ZNF521: variants seen among roughly 807,000 people sequenced by gnomAD.
ZNF521 encodes the protein zinc finger protein 521, also known as LYST-interacting protein 3.
A neutral mutation model predicts 105.5 loss-of-function variants in ZNF521; 14 were observed. The observed-to-expected ratio is 0.13, with a 90% CI of 0.09 to 0.21. The LOEUF is 0.21. Among genes scored for constraint, ZNF521 ranks in the 10% least tolerant of loss-of-function variants. ZNF521 has a pLI of 1.00. For missense variants in ZNF521, 1,233 were observed against 1,629.7 expected, an observed-to-expected ratio of 0.76 and a Z score of 4.19; for synonymous variants, 635 against 606.0, an observed-to-expected ratio of 1.05 and a Z score of -0.70.
chr18:25,104,587 G>C (rs557079563), intron 5 of ZNF521, among the ~76,000 whole-genome samples: 29 of 152,270 alleles, frequency 1.9e-4, no homozygotes, highest in African/African-American at 6.5e-4. Context: ...TTTGCTTCTG[G>C]AAAGCAGTAG....
At chr18:25,264,398 T>C (rs923446981) in intron 3 of ZNF521, among the ~76,000 whole-genome samples, 1 of 152,238 alleles carries the variant, frequency 6.6e-6, no homozygotes, top group Non-Finnish European at 1.5e-5. Context: ...CAATTTCTTA[T>C]ACAGCACTAT....
At chr18:25,206,571 ATCATT>A (rs2036084383) in intron 4 of ZNF521, among the ~76,000 whole-genome samples, 1 of 151,936 alleles carries the variant, frequency 6.6e-6, no homozygotes, top group Admixed American at 6.6e-5. Context: ...CTTATACTAG[ATCATT>A]TCATTTATCC....
In ZNF521 at chr18:25,224,659, C is replaced by G. The variant is rs1451451088; in HGVS notation, c.3259G>C (p.Gly1087Arg). Residue 1087 changes from glycine to arginine, a missense_variant, in exon 4 of 8, where the codon GGC becomes CGC. By Grantham distance (125) the Gly-to-Arg change is moderately radical. Transcript: ENST00000361524. The part of the protein sequence containing the change: ...KQDLVKLDIN[G>R]LPYGLCAGCV... ...CCGGCACACAGACCATATGGCAGGCCATTGATATCAAGTTTCACCAGATCT... is the reference window on the plus strand; with the variant it reads ...CCGGCACACAGACCATATGGCAGGCGATTGATATCAAGTTTCACCAGATCT... The G allele has an allele frequency of 1.2e-6, 2 of 1,613,964 alleles. No individual in the cohort carries two copies. Among genetic ancestry groups the G allele is most frequent in the South Asian group, 1.1e-5 (1 of 91,074 alleles).
intron 5 of ZNF521, among the ~76,000 whole-genome samples, chr18:25,156,869 TA>T (rs2035154435): frequency 6.6e-6 from 1 of 152,162 alleles, no homozygotes; most frequent in Non-Finnish European, 1.5e-5. Flanking sequence ...AACCAATTTT[TA>T]GTGGACATGA....
intron 3 of ZNF521, among the ~76,000 whole-genome samples, chr18:25,250,061 C>T (rs966346631): frequency 1.2e-4 from 19 of 152,144 alleles, no homozygotes; most frequent in East Asian, 1.9e-4. Flanking sequence ...GCCTCAGCAT[C>T]GGGAGTAGCT....
chr18:25,168,775 A>C (rs1330064449), intron 5 of ZNF521, among the ~76,000 whole-genome samples: 1 of 152,208 alleles, frequency 6.6e-6, no homozygotes, highest in Admixed American at 6.5e-5. Context: ...CTTCCTTGAC[A>C]TATACACCAC....
intron 4 of ZNF521, among the ~76,000 whole-genome samples, chr18:25,203,604 G>A (rs910507500): frequency 6.6e-6 from 1 of 152,114 alleles, no homozygotes; most frequent in African/African-American, 2.4e-5. Context: ...GGGACAGACT[G>A]AGTGAGACCC....
intron 3 of ZNF521, among the ~76,000 whole-genome samples, chr18:25,305,532 G>T (rs1911930266): frequency 6.6e-6 from 1 of 151,740 alleles, no homozygotes; most frequent in African/African-American, 2.4e-5. Flanking sequence ...TGGGAAACTG[G>T]GTCTCTCTTC....
chr18:25,199,374 G>T lies in ZNF521; in HGVS notation c.3574-4130C>A, dbSNP rs146725627. ...TGTGGATCCTGATTTGGGGGGAGGG[G>T]GTGGAAACAGCTATAAGAAGGCTTT... On this transcript the variant is annotated intron_variant, in intron 4 of 7. Transcript: ENST00000361524. Among the ~76,000 whole-genome samples, 1,189 of 151,404 alleles carry T rather than the reference G, an allele frequency of 7.9e-3. 17 individuals carry two copies. Among genetic ancestry groups the T allele is most frequent in the African/African-American group, 0.027 (1,129 of 41,328 alleles).
chr18:25,274,383 C>T lies in ZNF521; in HGVS notation c.221-46686G>A, dbSNP rs146070564. Among the ~76,000 whole-genome samples, 819 of 152,288 alleles carry T rather than the reference C, an allele frequency of 5.4e-3. 8 individuals carry two copies. The highest frequency in any genetic ancestry group is 0.018 in the African/African-American group (758 of 41,552). ...CTTCTGGATCTGATGACCAAATCCT[C>T]CCAGAGTCAGCTGACTATCAGGTAA... On this transcript the variant is annotated intron_variant, in intron 3 of 7. Coordinates refer to ENST00000361524, the MANE Select transcript of ZNF521 (RefSeq NM_015461.3).
intron 5 of ZNF521, among the ~76,000 whole-genome samples, chr18:25,152,798 C>G (rs991569566): frequency 3.9e-5 from 6 of 152,094 alleles, no homozygotes; most frequent in Admixed American, 1.3e-4. Flanking sequence ...CTCTTTTTTT[C>G]TGCTCTTCCG....
intron 5 of ZNF521, among the ~76,000 whole-genome samples, chr18:25,190,605 C>CT (rs1434540403): frequency 6.6e-6 from 1 of 152,148 alleles, no homozygotes; most frequent in African/African-American, 2.4e-5. Context: ...AGAGGTGATA[C>CT]TGAAAGTCGC....
chr18:25,294,236 C>A (rs1911194379), intron 3 of ZNF521, among the ~76,000 whole-genome samples: 1 of 152,102 alleles, frequency 6.6e-6, no homozygotes, highest in African/African-American at 2.4e-5. Flanking sequence ...CTAGATAAGA[C>A]ATGTATACTA....
chr18:25,339,621 T>C (rs532067429), intron 2 of ZNF521, among the ~76,000 whole-genome samples: 4 of 152,350 alleles, frequency 2.6e-5, no homozygotes, highest in African/African-American at 9.6e-5. Context: ...CAGTAAATAT[T>C]TGTTAATTAA....
chr18:25,212,233 C>T (rs961456007), intron 4 of ZNF521, among the ~76,000 whole-genome samples: 4 of 151,594 alleles, frequency 2.6e-5, no homozygotes, highest in African/African-American at 7.3e-5. Flanking sequence ...TTTTAATGGC[C>T]GGGCATGGTG....
At chr18:25,079,745 C>A (rs1490423418) in intron 7 of ZNF521, among the ~76,000 whole-genome samples, 1 of 152,116 alleles carries the variant, frequency 6.6e-6, no homozygotes, top group Non-Finnish European at 1.5e-5. Context: ...GGGCTTCCCA[C>A]CAGTACTGTC....
At position 25,347,958 on chromosome 18, in the gene ZNF521, TA is replaced by T. The variant is rs1914535445; in HGVS notation, c.40+2948del. 2.0e-5 allele frequency among the ~76,000 whole-genome samples: 3 copies of T among 152,360 alleles called. No homozygotes were observed. The South Asian group carries it at 6.2e-4, about 32-fold the overall frequency. ...TCAGTGCAGAACTTCATGTTTTATTTAGAAGGGCCTATTGCATTTTCATGGT... is the reference window on the plus strand; with the variant it reads ...TCAGTGCAGAACTTCATGTTTTATTTGAAGGGCCTATTGCATTTTCATGGT... On this transcript the variant is annotated intron_variant, in intron 2 of 7. Transcript: ENST00000361524.
chr18:25,124,158 G>A (rs1256749145), intron 5 of ZNF521, among the ~76,000 whole-genome samples: 1 of 152,038 alleles, frequency 6.6e-6, no homozygotes, highest in Non-Finnish European at 1.5e-5. Flanking sequence ...CAAGAGCGAG[G>A]AGAGCAAAAA....
chr18:25,067,181 G>A (rs893442558), intron 7 of ZNF521, among the ~76,000 whole-genome samples: 1 of 152,002 alleles, frequency 6.6e-6, no homozygotes, highest in African/African-American at 2.4e-5. Context: ...TTTACACGAG[G>A]GGGGTTTGTG....
Sources: gnomAD v4.1 joint callset for allele counts (sites outside exome capture counted in the v4.1 genomes callset) on GRCh38, gnomAD v4.1.1 for gene constraint, MANE v1.5 for transcripts, NCBI Gene and HGNC (gene_info 2026-07-23, HGNC 2026-07-21) for gene names.